The following ODR4 variants were observed in gnomAD, a reference collection of about 807,000 sequenced individuals.
ODR4 encodes the protein odr-4 GPCR localization factor homolog.
A neutral mutation model predicts 60.2 loss-of-function variants in ODR4; 47 were observed. The observed-to-expected ratio is 0.78, with a 90% CI of 0.62 to 1.00. The LOEUF (loss-of-function observed/expected upper bound fraction) is 1.00, where lower values mean the gene tolerates loss of function less well. Among genes scored for constraint, ODR4 ranks in the 50% least tolerant of loss-of-function variants. The pLI is 0.00. For synonymous variants in ODR4, 178 were observed against 175.5 expected (o/e 1.01, Z -0.11); for missense variants, 488 against 530.8 (o/e 0.92, Z 0.79).
intron 6 of ODR4, 131 bp from the exon 7 acceptor site, chr1:186,390,580 A>C: frequency 1.1e-6 from 1 of 891,384 alleles, no homozygotes; most frequent in South Asian, 1.5e-5. Flanking sequence ...CTTTTGATCA[A>C]GGGTTTAGCC....
intron 9 of ODR4, among the ~76,000 whole-genome samples, chr1:186,394,220 T>G (rs1660583431): frequency 6.6e-6 from 1 of 152,094 alleles, no homozygotes; most frequent in Non-Finnish European, 1.5e-5. Context: ...ATATTAAAAT[T>G]TTAACATCAA....
chr1:186,417,569 T>G lies in ODR4; in HGVS notation c.1212T>G (p.Ser404Arg), dbSNP rs372871582. Reference protein sequence around the residue: ...NTACMSSSMNSQASLDNTDDE... With the variant: ...NTACMSSSMNRQASLDNTDDE... ...CTTGTATGAGTTCTTCTATGAATAG[T>G]CAAGCTTCATTGGACAACACAGATG... The change falls in exon 13 of 14, where the codon AGT (serine) becomes AGG (arginine). Residue 404 changes from serine to arginine, a missense_variant. Coordinates refer to ENST00000287859, the MANE Select transcript of ODR4 (RefSeq NM_017847.6). 6.3e-7 allele frequency: 1 copy of G among 1,595,716 alleles called. No homozygotes were observed. The highest frequency in any genetic ancestry group is 8.6e-7 in the Non-Finnish European group (1 of 1,168,880).
intron 2 of ODR4, among the ~76,000 whole-genome samples, chr1:186,380,448 C>T (rs569749120): frequency 1.2e-4 from 18 of 152,046 alleles, no homozygotes; most frequent in Admixed American, 1.1e-3. Flanking sequence ...CCTCTTAGAG[C>T]TGAGTCTTAA....
At chr1:186,422,274 C>T (rs961810280), downstream of ODR4, among the ~76,000 whole-genome samples, 15 of 151,976 alleles carry the variant, frequency 9.9e-5, no homozygotes, top group Non-Finnish European at 1.8e-4. Flanking sequence ...GATCAATTTA[C>T]TAGGTCTATA....
the ODR4 span, among the ~76,000 whole-genome samples, chr1:186,430,195 TTAA>T: frequency 6.6e-6 from 1 of 152,136 alleles, no homozygotes; most frequent in African/African-American, 2.4e-5. Context: ...TATCTTTGTC[TTAA>T]TAATCAGAAG....
intron 12 of ODR4, among the ~76,000 whole-genome samples, chr1:186,414,310 T>A (rs1661474672): frequency 6.6e-6 from 1 of 152,098 alleles, no homozygotes; most frequent in Non-Finnish European, 1.5e-5. Context: ...CAGAGTACGA[T>A]CTTCTAGAGC....
At chr1:186,381,324 C>A (rs1337659833) in intron 2 of ODR4, among the ~76,000 whole-genome samples, 1 of 151,768 alleles carries the variant, frequency 6.6e-6, no homozygotes, top group Admixed American at 6.6e-5. Flanking sequence ...TAATTTAAGG[C>A]CTTCCTTCTT....
intron 12 of ODR4, 121 bp downstream of exon 12, chr1:186,406,389 C>T (rs1393248915): frequency 1.7e-5 from 10 of 597,262 alleles, no homozygotes; most frequent in East Asian, 1.2e-4. Flanking sequence ...TTTGACACTT[C>T]GAAATATTAA....
In ODR4 at chr1:186,419,635, C is replaced by T. The variant is rs1357248799; in HGVS notation, c.*559C>T. On this transcript the variant is annotated 3_prime_UTR_variant, in exon 14 of 14. Coordinates refer to ENST00000287859, the MANE Select transcript of ODR4 (RefSeq NM_017847.6). ...GCTGAAGCAGGAAGATCACGTGAGCCCAGGAGTTTGAGGCTGCAGCGAGCT... is the reference window on the plus strand; with the variant it reads ...GCTGAAGCAGGAAGATCACGTGAGCTCAGGAGTTTGAGGCTGCAGCGAGCT... The T allele has an allele frequency of 1.3e-5, 2 of 152,608 alleles. No homozygotes were observed. Among genetic ancestry groups the T allele is most frequent in the African/African-American group, 4.8e-5 (2 of 41,334 alleles). 9.5% of individuals were successfully genotyped at this position (152,608 alleles called of 1,614,324 possible). A position where few individuals can be genotyped will look rare whatever the true frequency, so the allele number is the denominator to read the frequency against.
chr1:186,383,831 A>G (rs764155750), intron 3 of ODR4, among the ~76,000 whole-genome samples: 2 of 152,018 alleles, frequency 1.3e-5, no homozygotes, highest in Non-Finnish European at 2.9e-5. Flanking sequence ...TGAGGTCAGG[A>G]GTTCAAGACC....
downstream of ODR4, among the ~76,000 whole-genome samples, chr1:186,425,305 A>G (rs1051808619): frequency 6.6e-6 from 1 of 152,208 alleles, no homozygotes; most frequent in Admixed American, 6.5e-5. Context: ...ATGGTGAGTC[A>G]GGCAATATAC....
intron 12 of ODR4, among the ~76,000 whole-genome samples, chr1:186,414,893 A>C (rs1007898478): frequency 6.6e-6 from 1 of 152,156 alleles, no homozygotes; most frequent in Non-Finnish European, 1.5e-5. Context: ...TTTGATGTAA[A>C]ATTGTATGAG....
rs1660437925 is a variant in ODR4, at chr1:186,390,751, TATC to T, written c.519_521del (p.Ser175del). Reference sequence around the variant, plus strand: ...GCAGATTGGAAGTATCAAAGTGGATTATCATCCTCATGGCTTTCTTTAGAGTGT... The same window carrying T: ...GCAGATTGGAAGTATCAAAGTGGATTATCCTCATGGCTTTCTTTAGAGTGT... On this transcript the variant is annotated inframe_deletion, in exon 7 of 14. Transcript: ENST00000287859. 3 of 1,613,470 alleles carry T rather than the reference TATC, an allele frequency of 1.9e-6. No homozygotes were observed. Among genetic ancestry groups the T allele is most frequent in the East Asian group, 2.2e-5 (1 of 44,800 alleles).
Position 186,389,489 on chromosome 1 carries a change from T to G in ODR4, c.438-99T>G. 3 of 888,830 alleles carry G rather than the reference T, an allele frequency of 3.4e-6. No individual in the cohort carries two copies. The South Asian group carries it at 4.6e-5, about 14-fold the overall frequency. 55.1% of individuals were successfully genotyped at this position (888,830 alleles called of 1,614,324 possible). On this transcript the variant is annotated intron_variant, in intron 5 of 13. Transcript: ENST00000287859. The stretch of plus-strand genomic sequence containing the variant: ...AAAGTGTTATGATTTTGTAAGAACT[T>G]TTGGATGCGTGCATTTTTTAGTTTA...
chr1:186,422,512 C>G (rs1198468881), downstream of ODR4, among the ~76,000 whole-genome samples: 2 of 152,046 alleles, frequency 1.3e-5, no homozygotes, highest in Non-Finnish European at 1.5e-5. Flanking sequence ...TGTATATTAG[C>G]AAAACTGGAC....
At chr1:186,414,819 C>G (rs780904570) in intron 12 of ODR4, among the ~76,000 whole-genome samples, 1 of 151,918 alleles carries the variant, frequency 6.6e-6, no homozygotes, top group Non-Finnish European at 1.5e-5. Context: ...TACGTCCGGC[C>G]AAAAAATACC....
At chr1:186,385,931 CAGAA>C in intron 3 of ODR4, 53 bp from the exon 4 acceptor site, 1 of 1,084,966 alleles carries the variant, frequency 9.2e-7, no homozygotes, top group Non-Finnish European at 1.4e-6. Context: ...GTTTCTCAAA[CAGAA>C]AGGATTGCAT....
chr1:186,401,090 AC>A, intron 11 of ODR4: 1 of 1,597,094 alleles, frequency 6.3e-7, no homozygotes, highest in Non-Finnish European at 8.6e-7. Context: ...ACCTTAGCAG[AC>A]ACATTAGTAT....
rs1661730734 is a variant in ODR4 at position 186,420,332 on chromosome 1, C to T, written c.*1256C>T. On this transcript the variant is annotated 3_prime_UTR_variant, in exon 14 of 14. Coordinates refer to ENST00000287859, the MANE Select transcript of ODR4 (RefSeq NM_017847.6). ...GGACAGTTAAAGAAGGTTCAGTGGTCCTCAGTTTGCAGTGCTCTAGCTCCT... is the reference window on the plus strand; with the variant it reads ...GGACAGTTAAAGAAGGTTCAGTGGTTCTCAGTTTGCAGTGCTCTAGCTCCT... 1 of 152,150 alleles carries T rather than the reference C, an allele frequency of 6.6e-6. No homozygotes were observed. The highest frequency in any genetic ancestry group is 1.5e-5 in the Non-Finnish European group (1 of 68,028). The allele number at this position is 152,150 out of a possible 1,614,324, so 9.4% of individuals were successfully genotyped here.
Sources: allele counts gnomAD v4.1 joint callset (sites outside exome capture counted in the v4.1 genomes callset), GRCh38; gene constraint gnomAD v4.1.1; transcripts MANE v1.5; gene names NCBI Gene and HGNC (gene_info 2026-07-23, HGNC 2026-07-21).